Variants in MIF4GD observed in about 807,000 individuals in gnomAD.
MIF4GD encodes the protein MIF4G domain-containing protein.
Under a neutral mutation model 26.7 loss-of-function variants are expected in MIF4GD, and 22 were observed. The observed-to-expected ratio is 0.82, with a 90% CI of 0.59 to 1.18. The LOEUF (loss-of-function observed/expected upper bound fraction) is 1.18, where lower values mean the gene tolerates loss of function less well. Ranked by LOEUF, MIF4GD falls within the 50% of genes most tolerant of loss-of-function variation. The probability of loss-of-function intolerance (pLI) is 0.00; values close to 1 mark genes in which losing one functional copy is unlikely to be tolerated. For missense variants in MIF4GD, 262 were observed against 279.6 expected, an observed-to-expected ratio of 0.94 and a Z score of 0.45; for synonymous variants, 137 against 111.6, an observed-to-expected ratio of 1.23 and a Z score of -1.43.
chr17:75,267,573 G>A lies in MIF4GD; in HGVS notation c.406C>T (p.Leu136=). 6.2e-7 allele frequency: 1 copy of A among 1,614,224 alleles called. No homozygotes were observed. Among genetic ancestry groups the A allele is most frequent in the Non-Finnish European group, 8.5e-7 (1 of 1,180,042 alleles). The change falls in exon 5 of 6, where the codon CTG becomes TTG. Residue 136 remains leucine, a synonymous_variant. Coordinates refer to ENST00000325102, the MANE Select transcript of MIF4GD (RefSeq NM_001370592.1). ...VNPVYDCLFR[L]AQPDSLSKEE... ...TTGCTCAAACTGTCTGGCTGGGCCA[G>A]CCGGAAGAGGCAGTCATAGACAGGG...
rs1260896799 is a variant in MIF4GD at position 75,268,134 on chromosome 17, C to T, written c.141G>A (p.Gln47=). 2 of 1,614,240 alleles carry T rather than the reference C, an allele frequency of 1.2e-6. No individual in the cohort carries two copies. The highest frequency in any genetic ancestry group is 1.3e-5 in the African/African-American group (1 of 75,060). ...CTGCTTCCTTGCTGAACACACAGTC[C>T]TGCAGAGAATGGTCCACAATCACAT... The part of the protein sequence containing the change: ...VANVIVDHSL[Q]DCVFSKEAGR... The change falls in exon 3 of 6, where the codon CAG becomes CAA. Residue 47 remains glutamine, a synonymous_variant. Transcript: ENST00000325102.
intron 4 of MIF4GD, 35 bp from the exon 5 acceptor site, chr17:75,267,665 T>C: frequency 1.9e-6 from 3 of 1,613,890 alleles, no homozygotes; most frequent in Non-Finnish European, 2.5e-6. Context: ...GCACCAGGCT[T>C]AGTGGCCAAG....
intron 2 of MIF4GD, 55 bp from the exon 3 acceptor site, chr17:75,268,247 C>T: frequency 1.5e-6 from 2 of 1,328,140 alleles, no homozygotes; most frequent in Non-Finnish European, 2.2e-6. Flanking sequence ...ACATTTGTGT[C>T]CACCCGCTTC....
In MIF4GD at chr17:75,267,755, G is replaced by A. The variant is rs1203768122; in HGVS notation, c.339C>T (p.Asp113=). The stretch of plus-strand genomic sequence containing the variant: ...GCTGCCGGGGCCTCACCCTCAGGTA[G>A]TCAAAGATGTTGCAGATAAAGGTGA... The part of the protein sequence containing the change: ...CYVTFICNIF[D]YLRVNNMPMM... The change falls in exon 4 of 6, where the codon GAC becomes GAT. Residue 113 remains aspartate (D), a synonymous_variant. Coordinates refer to ENST00000325102, the MANE Select transcript of MIF4GD (RefSeq NM_001370592.1). 6.2e-7 allele frequency: 1 copy of A among 1,613,372 alleles called. No individual in the cohort carries two copies. Among genetic ancestry groups the A allele is most frequent in the South Asian group, 1.1e-5 (1 of 91,042 alleles).
chr17:75,270,318 C>T lies in MIF4GD; in HGVS notation c.-50-73G>A. On this transcript the variant is annotated intron_variant, in intron 1 of 5. Coordinates refer to ENST00000325102, the MANE Select transcript of MIF4GD (RefSeq NM_001370592.1). The surrounding 1 kb of genome is among the most constrained non-coding windows in gnomAD (Gnocchi z 5.7). ...CGGGTTCCGTCCTGCAGGCCCTGGA[C>T]GGGGCTGACGGCGCGCTCGGGACAG... 1.2e-6 allele frequency: 1 copy of T among 832,120 alleles called. No homozygotes were observed. The highest frequency in any genetic ancestry group is 2.0e-5 in the Admixed American group (1 of 49,198). The allele number at this position is 832,120 out of a possible 1,614,324, so 51.5% of individuals were successfully genotyped here.
Position 75,271,217 on chromosome 17 carries a change from T to C in MIF4GD, c.-124A>G, listed in dbSNP as rs1292648767. The C allele has an allele frequency of 6.7e-6, 1 of 149,032 alleles. No individual in the cohort carries two copies. Among genetic ancestry groups the C allele is most frequent in the Non-Finnish European group, 1.5e-5 (1 of 67,128 alleles). The allele number at this position is 149,032 out of a possible 1,614,324, so 9.2% of individuals were successfully genotyped here. ...GGAGCGCGCAACCAGCGTCCGGCGC[T>C]GCGGGGCCCGCCGTGAGCTCATCTC... On this transcript the variant is annotated 5_prime_UTR_variant, in exon 1 of 6. Coordinates refer to ENST00000325102, the MANE Select transcript of MIF4GD (RefSeq NM_001370592.1). This position sits in a 1 kb window ranked among gnomAD's most constrained non-coding sequence, Gnocchi z 4.2.
In MIF4GD at chr17:75,270,189, C is replaced by G. The variant is rs764002197; in HGVS notation, c.7G>C (p.Glu3Gln). The G allele has an allele frequency of 6.2e-7, 1 of 1,613,584 alleles. No homozygotes were observed. Among genetic ancestry groups the G allele is most frequent in the African/African-American group, 1.3e-5 (1 of 74,926 alleles). Residue 3 changes from glutamate (E) to glutamine (Q), a missense_variant, in exon 2 of 6, where the codon GAG becomes CAG. By Grantham distance (29) the Glu-to-Gln change is conservative (BLOSUM62 2). Transcript: ENST00000325102. This position sits in a 1 kb window ranked among gnomAD's most constrained non-coding sequence, Gnocchi z 5.7. MG[E>Q]PSREEYKIQS... ...ATTTTATACTCCTCTCTACTGGGCT[C>G]CCCCATGACTAGCCAGCCCCGGTAG...
chr17:75,268,666 C>T (rs144898120), intron 2 of MIF4GD, among the ~76,000 whole-genome samples: 4,996 of 128,478 alleles, frequency 0.039, 281 homozygotes, highest in African/African-American at 0.14. Context: ...AGCAAGACTC[C>T]GTCTCAAAAA....
At position 75,269,737 on chromosome 17, in the gene MIF4GD, C is replaced by CTTTTTTTT. The variant is rs796368431; in HGVS notation, c.82+376_82+377insAAAAAAAA. Reference sequence around the variant, plus strand: ...ACTATGCCCGGCTAATTTTTCTTTTCTTTCTTTTTTTTTTTTTTTTTGTAG... The same window carrying CTTTTTTTT: ...ACTATGCCCGGCTAATTTTTCTTTTCTTTTTTTTTTTCTTTTTTTTTTTTTTTTTGTAG... On this transcript the variant is annotated intron_variant, in intron 2 of 5. Transcript: ENST00000325102. 2.2e-3 allele frequency among the ~76,000 whole-genome samples: 227 copies of CTTTTTTTT among 103,714 alleles called. 18 individuals carry two copies. Among genetic ancestry groups the CTTTTTTTT allele is most frequent in the Non-Finnish European group, 2.9e-3 (157 of 55,030 alleles). 68.0% of individuals were successfully genotyped at this position (103,714 alleles called of 152,430 possible). A position where few individuals can be genotyped will look rare whatever the true frequency, so the allele number is the denominator to read the frequency against.
Position 75,271,025 on chromosome 17 carries a change from CA to C in MIF4GD, c.-51+118del, listed in dbSNP as rs2077717796. 1 of 152,054 alleles carries C rather than the reference CA, an allele frequency of 6.6e-6. No homozygotes were observed. Among genetic ancestry groups the C allele is most frequent in the Admixed American group, 6.5e-5 (1 of 15,274 alleles). 9.4% of individuals were successfully genotyped at this position (152,054 alleles called of 1,614,324 possible). A position where few individuals can be genotyped will look rare whatever the true frequency, so the allele number is the denominator to read the frequency against. ...CCGTAGGAGGCGCCTTTAGGGTCTC[CA>C]GCCCTCGGCCGTTCCCCCCGCGCCC... is the stretch of plus-strand genomic sequence containing the variant. On this transcript the variant is annotated intron_variant, in intron 1 of 5. Coordinates refer to ENST00000325102, the MANE Select transcript of MIF4GD (RefSeq NM_001370592.1). This position sits in a 1 kb window ranked among gnomAD's most constrained non-coding sequence, Gnocchi z 4.2.
At chr17:75,269,794 G>A (rs2077662494) in intron 2 of MIF4GD, among the ~76,000 whole-genome samples, 1 of 143,292 alleles carries the variant, frequency 7.0e-6, no homozygotes, top group African/African-American at 2.6e-5. Context: ...TCCGGGACTG[G>A]TCTTGAACTC....
At chr17:75,269,737 C>CTTTT (rs796368431) in intron 2 of MIF4GD, among the ~76,000 whole-genome samples, 41,728 of 100,924 alleles carry the variant, frequency 0.41, 10,091 homozygotes, top group East Asian at 0.69. Flanking sequence ...TTTTTCTTTT[C>CTTTT]TTTCTTTTTT....
rs571305659 is a variant in MIF4GD, at chr17:75,270,283, G to C, written c.-50-38C>G. On this transcript the variant is annotated intron_variant, in intron 1 of 5. Coordinates refer to ENST00000325102, the MANE Select transcript of MIF4GD (RefSeq NM_001370592.1). This position sits in a 1 kb window ranked among gnomAD's most constrained non-coding sequence, Gnocchi z 5.7. ...GGCGAAGGGAGCGGCCTCAGGTGTG[G>C]AGCGCAGGGCGGGTTCCGTCCTGCA... The C allele has an allele frequency of 1.6e-6, 2 of 1,222,506 alleles. No homozygotes were observed. The highest frequency in any genetic ancestry group is 1.5e-5 in the African/African-American group (1 of 67,094). The allele number at this position is 1,222,506 out of a possible 1,614,324, so 75.7% of individuals were successfully genotyped here. A position where few individuals can be genotyped will look rare whatever the true frequency, so the allele number is the denominator to read the frequency against.
In MIF4GD at chr17:75,267,464, G is replaced by A. The variant is rs758234954; in HGVS notation, c.441+74C>T. 6 of 1,448,310 alleles carry A rather than the reference G, an allele frequency of 4.1e-6. No homozygotes were observed. In the South Asian group the frequency reaches 7.0e-5, roughly 17 times the overall value. The allele number at this position is 1,448,310 out of a possible 1,614,324, so 89.7% of individuals were successfully genotyped here. On this transcript the variant is annotated intron_variant, in intron 5 of 5. Transcript: ENST00000325102. ...GTCCTCAGAGACCTCCGTGAGCAGT[G>A]GGCTGACACACGGCTGAGCTGGACT...
In MIF4GD at chr17:75,266,487, GT is replaced by G; in HGVS notation, c.*252del. 1.8e-6 allele frequency: 1 copy of G among 563,758 alleles called. No individual in the cohort carries two copies. The highest frequency in any genetic ancestry group is 3.2e-6 in the Non-Finnish European group (1 of 313,060). The allele number at this position is 563,758 out of a possible 1,614,324, so 34.9% of individuals were successfully genotyped here. ...CACCAAGGTAGTAGTTGCACTAATG[GT>G]TACACAGTGCAGTGGCTCTTGGGAG... On this transcript the variant is annotated 3_prime_UTR_variant, in exon 6 of 6. Transcript: ENST00000325102.
intron 2 of MIF4GD, chr17:75,269,597 G>A: frequency 1.1e-6 from 1 of 936,700 alleles, no homozygotes; most frequent in South Asian, 1.8e-5. Context: ...GTCTCGCTCT[G>A]TAGCCAGGCT....
intron 2 of MIF4GD, 101 bp from the exon 3 acceptor site, chr17:75,268,293 T>C (rs2077579403): frequency 3.5e-6 from 3 of 864,402 alleles, no homozygotes; most frequent in East Asian, 2.5e-5. Flanking sequence ...AGCACTCATA[T>C]GCTTGAAGTG....
In MIF4GD at chr17:75,266,844, A is replaced by T; in HGVS notation, c.565T>A (p.Ser189Thr). 6.2e-7 allele frequency: 1 copy of T among 1,614,114 alleles called. No homozygotes were observed. Among genetic ancestry groups the T allele is most frequent in the Non-Finnish European group, 8.5e-7 (1 of 1,180,004 alleles). Reference sequence around the variant, plus strand: ...TCCAGCAGCAGCAGCTGGGCCAGGGAGCTGAGGCCAGTTGGGAGCAGGAAG... The same window carrying T: ...TCCAGCAGCAGCAGCTGGGCCAGGGTGCTGAGGCCAGTTGGGAGCAGGAAG... ...DGFLLPTGLS[S>T]LAQLLLLEII... is the part of the protein sequence containing the mutation. Residue 189 changes from serine (S) to threonine (T), a missense_variant, in exon 6 of 6, where the codon TCC becomes ACC. Physicochemically the swap from Ser to Thr is moderately conservative, Grantham distance 58. Transcript: ENST00000325102.
chr17:75,269,323 G>A (rs2077623243), intron 2 of MIF4GD: 8 of 1,612,292 alleles, frequency 5.0e-6, no homozygotes, highest in African/African-American at 1.3e-5. Context: ...GATGGGTGTT[G>A]CTAATTATTA....
Sources: allele counts gnomAD v4.1 joint callset (sites outside exome capture counted in the v4.1 genomes callset), GRCh38; gene constraint gnomAD v4.1.1; non-coding constraint Gnocchi (gnomAD v3.1); transcripts MANE v1.5; gene names NCBI Gene and HGNC (gene_info 2026-07-23, HGNC 2026-07-21).